Variants in TIMMDC1 observed in about 807,000 individuals in gnomAD.
The protein encoded by TIMMDC1 is complex I assembly factor TIMMDC1, mitochondrial.
In TIMMDC1, 25 loss-of-function variants were observed where a neutral mutation model predicts 32.6. The ratio of observed to expected loss-of-function variants is 0.77; its 90% CI spans 0.56 to 1.07. The LOEUF (loss-of-function observed/expected upper bound fraction) is 1.07, where lower values mean the gene tolerates loss of function less well. Among genes scored for constraint, TIMMDC1 ranks in the 50% least tolerant of loss-of-function variants. The pLI is 0.00. For missense variants in TIMMDC1, 329 were observed against 349.2 expected (o/e 0.94, Z 0.46); for synonymous variants, 130 against 127.6 (o/e 1.02, Z -0.13).
chr3:119,503,883 A>G, intron 3 of TIMMDC1, 71 bp from the exon 4 acceptor site: 1 of 1,347,188 alleles, frequency 7.4e-7, no homozygotes, highest in Non-Finnish European at 1.1e-6. Context: ...AAGTCAGTGA[A>G]AATAACACTC....
chr3:119,514,258 A>T (rs1415411147), intron 5 of TIMMDC1, among the ~76,000 whole-genome samples: 4 of 152,184 alleles, frequency 2.6e-5, no homozygotes, highest in African/African-American at 9.7e-5. Context: ...CTTCACCTAG[A>T]TTCACCAGTT....
chr3:119,514,166 G>A (rs2081971521), intron 5 of TIMMDC1, among the ~76,000 whole-genome samples: 1 of 152,100 alleles, frequency 6.6e-6, no homozygotes, highest in Admixed American at 6.5e-5. Context: ...TTTAAAAAAT[G>A]TTCTTCCTCA....
In TIMMDC1 at chr3:119,524,458, A is replaced by ACTG. The variant is rs2082052307; in HGVS notation, c.*705_*707dup. The ACTG allele has an allele frequency of 1.3e-5, 2 of 152,216 alleles. No homozygotes were observed. The highest frequency in any genetic ancestry group is 4.1e-4 in the South Asian group (2 of 4,832). The allele number at this position is 152,216 out of a possible 1,614,324, so 9.4% of individuals were successfully genotyped here. A position where few individuals can be genotyped will look rare whatever the true frequency, so the allele number is the denominator to read the frequency against. ...AAGTATTCCTGTCAATACGGGAAAC[A>ACTG]CTGCTAGTACCTTATGTTGGTGTTA... On this transcript the variant is annotated 3_prime_UTR_variant, in exon 7 of 7. Coordinates refer to ENST00000494664, the MANE Select transcript of TIMMDC1 (RefSeq NM_016589.4).
At chr3:119,503,833 A>G in intron 3 of TIMMDC1, 121 bp from the exon 4 acceptor site, 1 of 889,998 alleles carries the variant, frequency 1.1e-6, no homozygotes, top group Non-Finnish European at 1.7e-6. Context: ...GGCCTAGGCT[A>G]GGAACAGGGA....
chr3:119,509,304 A>G (rs1330495126), intron 4 of TIMMDC1, among the ~76,000 whole-genome samples: 1 of 152,222 alleles, frequency 6.6e-6, no homozygotes, highest in Non-Finnish European at 1.5e-5. Context: ...AAAGACTTAT[A>G]TATAAATTTT....
chr3:119,512,467 C>T (rs570226403), intron 4 of TIMMDC1, among the ~76,000 whole-genome samples: 6 of 151,864 alleles, frequency 4.0e-5, no homozygotes, highest in South Asian at 4.2e-4. Context: ...TTAGTAGAGA[C>T]GGGGTTTCAG....
chr3:119,500,619 A>G (rs2081866151), intron 1 of TIMMDC1, 76 bp from the exon 2 acceptor site: 7 of 1,373,898 alleles, frequency 5.1e-6, no homozygotes, highest in Non-Finnish European at 6.0e-6. Flanking sequence ...ATTTGGGTTA[A>G]TTCTGATTAT....
intron 4 of TIMMDC1, among the ~76,000 whole-genome samples, chr3:119,505,199 T>C (rs996328538): frequency 6.6e-6 from 1 of 152,078 alleles, no homozygotes; most frequent in Non-Finnish European, 1.5e-5. Context: ...CTGCAAAACA[T>C]GTTATACACC....
chr3:119,520,012 T>C (rs1163809894), intron 6 of TIMMDC1, among the ~76,000 whole-genome samples: 1 of 151,838 alleles, frequency 6.6e-6, no homozygotes, highest in Non-Finnish European at 1.5e-5. Context: ...GAACAACCAA[T>C]AGGTCAATGA....
intron 6 of TIMMDC1, among the ~76,000 whole-genome samples, chr3:119,519,249 C>T (rs2082007204): frequency 6.6e-6 from 1 of 152,050 alleles, no homozygotes; most frequent in Non-Finnish European, 1.5e-5. Flanking sequence ...TAAATCCACA[C>T]CTATCAATAA....
intron 4 of TIMMDC1, among the ~76,000 whole-genome samples, chr3:119,504,231 T>G (rs2081901228): frequency 6.6e-6 from 1 of 152,238 alleles, no homozygotes; most frequent in Non-Finnish European, 1.5e-5. Context: ...TCTTTGAATT[T>G]TAATGTCTAA....
rs555881750 is a variant in TIMMDC1, at chr3:119,519,185, G to A, written c.707+1870G>A. Among the ~76,000 whole-genome samples, 203 of 152,120 alleles carry A rather than the reference G, an allele frequency of 1.3e-3. 1 individual carries two copies. The highest frequency in any genetic ancestry group is 4.7e-3 in the African/African-American group (196 of 41,518). On this transcript the variant is annotated intron_variant, in intron 6 of 6. Transcript: ENST00000494664. ...ACCATGAAAATAAGAGGGGAAGAAA[G>A]GGGAACAAAGATTATACAAAACAAC...
At chr3:119,505,079 C>CA (rs11290294) in intron 4 of TIMMDC1, among the ~76,000 whole-genome samples, 1,180 of 95,816 alleles carry the variant, frequency 0.012, 18 homozygotes, top group South Asian at 0.092. Context: ...ACTCTTGTCT[C>CA]AAAAAAAAAA....
chr3:119,523,001 C>G (rs1178510240), intron 6 of TIMMDC1, among the ~76,000 whole-genome samples: 1 of 152,036 alleles, frequency 6.6e-6, no homozygotes, highest in African/African-American at 2.4e-5. Context: ...GAACAAATGA[C>G]CAAATCTGTG....
At chr3:119,517,912 T>C (rs2081996824) in intron 6 of TIMMDC1, among the ~76,000 whole-genome samples, 1 of 151,478 alleles carries the variant, frequency 6.6e-6, no homozygotes, top group Non-Finnish European at 1.5e-5. Context: ...GAGGTTACAG[T>C]GAGCCGTGAT....
chr3:119,524,611 C>A lies in TIMMDC1; in HGVS notation c.*855C>A, dbSNP rs1405316472. 1.3e-5 allele frequency: 2 copies of A among 152,208 alleles called. No individual in the cohort carries two copies. Among genetic ancestry groups the A allele is most frequent in the Non-Finnish European group, 2.9e-5 (2 of 68,044 alleles). 9.4% of individuals were successfully genotyped at this position (152,208 alleles called of 1,614,324 possible). A position where few individuals can be genotyped will look rare whatever the true frequency, so the allele number is the denominator to read the frequency against. On this transcript the variant is annotated 3_prime_UTR_variant, in exon 7 of 7. Transcript: ENST00000494664. ...AAATCCCAGCCATGTGGCTTAGCTGCCATGAGATGTGCATTTGAGAAATGT... is the reference window on the plus strand; with the variant it reads ...AAATCCCAGCCATGTGGCTTAGCTGACATGAGATGTGCATTTGAGAAATGT...
At chr3:119,502,052 T>C (rs1172968007) in intron 2 of TIMMDC1, among the ~76,000 whole-genome samples, 2 of 152,188 alleles carry the variant, frequency 1.3e-5, no homozygotes, top group East Asian at 3.8e-4. Flanking sequence ...ATGTTTTTCC[T>C]TGGTAATTTA....
At position 119,517,322 on chromosome 3, in the gene TIMMDC1, A is replaced by G. The variant is rs1416483532; in HGVS notation, c.707+7A>G. The stretch of plus-strand genomic sequence containing the variant: ...AGCTAAAACTGGAAGAGTGGTAAGG[A>G]ACATGTTGAGCCCAGGGAATCTTGG... On this transcript the variant is annotated splice_region_variant and intron_variant, in intron 6 of 6. Transcript: ENST00000494664. 3 of 1,592,132 alleles carry G rather than the reference A, an allele frequency of 1.9e-6. No individual in the cohort carries two copies. In the East Asian group the frequency reaches 6.7e-5, roughly 36 times the overall value.
chr3:119,517,175 TCCTAAGC>T (rs1299186639), intron 5 of TIMMDC1, 23 bp from the exon 6 acceptor site: 1 of 1,476,716 alleles, frequency 6.8e-7, no homozygotes, highest in African/African-American at 1.4e-5. Flanking sequence ...GACTCGTTTT[TCCTAAGC>T]TTTCCCTCTC....
Sources: gnomAD v4.1 joint callset for allele counts (sites outside exome capture counted in the v4.1 genomes callset) on GRCh38, gnomAD v4.1.1 for gene constraint, MANE v1.5 for transcripts, NCBI Gene and HGNC (gene_info 2026-07-23, HGNC 2026-07-21) for gene names.